Variants in ZDHHC14 observed in about 807,000 individuals in gnomAD.
The protein encoded by ZDHHC14 is palmitoyltransferase ZDHHC14.
In ZDHHC14, 16 loss-of-function variants were observed where a neutral mutation model predicts 47.7. The ratio of observed to expected loss-of-function variants is 0.34; its 90% CI spans 0.23 to 0.51. ZDHHC14 has a LOEUF of 0.51. Among genes scored for constraint, ZDHHC14 ranks in the 20% least tolerant of loss-of-function variants. The pLI, the probability that ZDHHC14 is intolerant of heterozygous loss-of-function variation, is 0.97. For missense variants in ZDHHC14, 515 were observed against 662.5 expected (o/e 0.78, Z 2.44); for synonymous variants, 293 against 278.9 (o/e 1.05, Z -0.50).
At chr6:157,589,288 C>T (rs1412910788) in intron 2 of ZDHHC14, among the ~76,000 whole-genome samples, 1 of 152,160 alleles carries the variant, frequency 6.6e-6, no homozygotes, top group Admixed American at 6.5e-5. Context: ...CCAGTAACCT[C>T]CCACCAGGCC....
chr6:157,428,917 G>A (rs374182310), intron 1 of ZDHHC14, among the ~76,000 whole-genome samples: 1 of 152,248 alleles, frequency 6.6e-6, no homozygotes, highest in East Asian at 1.9e-4. Flanking sequence ...CCATGTACCT[G>A]GTTGACAGGA....
intron 1 of ZDHHC14, among the ~76,000 whole-genome samples, chr6:157,439,187 C>T (rs1778509872): frequency 6.6e-6 from 1 of 152,166 alleles, no homozygotes; most frequent in South Asian, 2.1e-4. Flanking sequence ...ATTTTCAAAA[C>T]ATCTTAGGGC....
chr6:157,396,236 T>C (rs1222540909), intron 1 of ZDHHC14, among the ~76,000 whole-genome samples: 1 of 152,098 alleles, frequency 6.6e-6, no homozygotes, highest in African/African-American at 2.4e-5. Flanking sequence ...AAATAGCCTA[T>C]GGTGGCCTCA....
chr6:157,516,422 C>A (rs1329353107), intron 1 of ZDHHC14, among the ~76,000 whole-genome samples: 1 of 152,116 alleles, frequency 6.6e-6, no homozygotes, highest in African/African-American at 2.4e-5. Flanking sequence ...GAACAGGTTG[C>A]GGGTCCCTGA....
Position 157,653,563 on chromosome 6 carries a change from C to T in ZDHHC14, c.1004C>T (p.Pro335Leu), listed in dbSNP as rs184239591. Residue 335 changes from proline (P) to leucine (L), a missense_variant, in exon 8 of 9, where the codon CCG (proline) becomes CTG (leucine). Physicochemically the swap from Pro to Leu is moderately conservative, Grantham distance 98. Transcript: ENST00000359775. The part of the protein sequence containing the change: ...DRRGYIQPDT[P>L]QPAAPSNGIT... ...AGAGGGTACATCCAGCCCGACACGC[C>T]GCAGCCAGCAGCACCCTCCAATGGC... is the stretch of plus-strand genomic sequence containing the variant. 106 of 1,614,012 alleles carry T rather than the reference C, an allele frequency of 6.6e-5. 1 individual carries two copies. The highest frequency in any genetic ancestry group is 5.1e-4 in the South Asian group (46 of 91,068).
At chr6:157,650,121 G>A (rs1259586554) in intron 7 of ZDHHC14, among the ~76,000 whole-genome samples, 1 of 152,186 alleles carries the variant, frequency 6.6e-6, no homozygotes. Flanking sequence ...GTGCACGGGA[G>A]AGGGGCCAGC....
At chr6:157,520,258 C>G (rs1582879865) in intron 1 of ZDHHC14, among the ~76,000 whole-genome samples, 1 of 152,184 alleles carries the variant, frequency 6.6e-6, no homozygotes, top group Non-Finnish European at 1.5e-5. Flanking sequence ...TCTGCTCTTG[C>G]CCACAATGTG....
intron 8 of ZDHHC14, among the ~76,000 whole-genome samples, chr6:157,660,188 CTT>C (rs397799133): frequency 1.9e-3 from 164 of 86,642 alleles, no homozygotes; most frequent in African/African-American, 8.1e-3. Flanking sequence ...TTCTTTTTTT[CTT>C]TTTTTTTTTT....
chr6:157,451,795 A>G (rs1052041100), intron 1 of ZDHHC14, among the ~76,000 whole-genome samples: 4 of 152,202 alleles, frequency 2.6e-5, no homozygotes, highest in African/African-American at 9.7e-5. Context: ...TCTGGGTTCA[A>G]GTGATCCACC....
chr6:157,413,586 T>G (rs1286359800), intron 1 of ZDHHC14, among the ~76,000 whole-genome samples: 1 of 152,058 alleles, frequency 6.6e-6, no homozygotes, highest in East Asian at 1.9e-4. Context: ...TCTTCCTTCC[T>G]TTCTTTTTTT....
intron 3 of ZDHHC14, among the ~76,000 whole-genome samples, chr6:157,610,219 C>T (rs1054911634): frequency 4.6e-5 from 7 of 152,142 alleles, no homozygotes; most frequent in Non-Finnish European, 7.3e-5. Context: ...CCGAGGCAGG[C>T]GGATCATGAG....
intron 1 of ZDHHC14, among the ~76,000 whole-genome samples, chr6:157,506,896 A>G (rs1780339075): frequency 7.2e-6 from 1 of 139,072 alleles, no homozygotes; most frequent in Non-Finnish European, 1.5e-5. Flanking sequence ...CACCTAGGAA[A>G]GTAGAGTCAT....
At chr6:157,513,849 A>T (rs1057504191) in intron 1 of ZDHHC14, among the ~76,000 whole-genome samples, 1 of 152,206 alleles carries the variant, frequency 6.6e-6, no homozygotes, top group Non-Finnish European at 1.5e-5. Flanking sequence ...TTACCCAGCC[A>T]TCATGAAACC....
chr6:157,556,223 G>A (rs1196140020), intron 2 of ZDHHC14, among the ~76,000 whole-genome samples: 4 of 120,024 alleles, frequency 3.3e-5, no homozygotes, highest in Non-Finnish European at 4.8e-5. Flanking sequence ...CAGCAGGCAG[G>A]AAAGCAGAGC....
chr6:157,468,304 C>T (rs934975734), intron 1 of ZDHHC14, among the ~76,000 whole-genome samples: 16 of 152,134 alleles, frequency 1.1e-4, no homozygotes, highest in African/African-American at 3.1e-4. Flanking sequence ...TGGCTCTGAA[C>T]GCGGAGGTAG....
At chr6:157,564,243 G>T (rs1445148591) in intron 2 of ZDHHC14, among the ~76,000 whole-genome samples, 4 of 152,150 alleles carry the variant, frequency 2.6e-5, no homozygotes, top group East Asian at 3.9e-4. Flanking sequence ...CGGGGGCTTT[G>T]GTTGGATAAT....
chr6:157,550,452 C>CA (rs1490726690), intron 2 of ZDHHC14, among the ~76,000 whole-genome samples: 5 of 137,536 alleles, frequency 3.6e-5, no homozygotes, highest in Non-Finnish European at 4.4e-5. Context: ...AGAGAGACCA[C>CA]GGCATCACAC....
intron 1 of ZDHHC14, among the ~76,000 whole-genome samples, chr6:157,539,412 TAATA>T (rs1302846780): frequency 6.6e-6 from 1 of 151,708 alleles, no homozygotes; most frequent in Non-Finnish European, 1.5e-5. Flanking sequence ...TCCAGAAAGA[TAATA>T]AATAAATAAA....
At chr6:157,436,010 G>C (rs142520858) in intron 1 of ZDHHC14, among the ~76,000 whole-genome samples, 1 of 152,258 alleles carries the variant, frequency 6.6e-6, no homozygotes, top group African/African-American at 2.4e-5. Flanking sequence ...AATTAGGGCA[G>C]GTTGTAGTTT....
Sources: allele counts gnomAD v4.1 joint callset (sites outside exome capture counted in the v4.1 genomes callset), GRCh38; gene constraint gnomAD v4.1.1; transcripts MANE v1.5; gene names NCBI Gene and HGNC (gene_info 2026-07-23, HGNC 2026-07-21).